The following ZNF385D variants were observed in gnomAD, a reference collection of about 807,000 sequenced individuals.
ZNF385D encodes the protein zinc finger protein 659.
In ZNF385D, 15 loss-of-function variants were observed where a neutral mutation model predicts 35.8. The observed-to-expected ratio is 0.42, with a 90% CI of 0.28 to 0.64. ZNF385D has a LOEUF of 0.64. ZNF385D is among the 30% of genes least tolerant of loss of function. ZNF385D has a pLI of 0.23. For synonymous variants in ZNF385D, 212 were observed against 186.8 expected (o/e 1.13, Z -1.10); for missense variants, 474 against 494.6 (o/e 0.96, Z 0.39).
At chr3:21,444,142 C>T (rs1462018066) in intron 4 of ZNF385D, among the ~76,000 whole-genome samples, 1 of 144,932 alleles carries the variant, frequency 6.9e-6, no homozygotes, top group East Asian at 2.0e-4. Flanking sequence ...TACAGTTGCA[C>T]AATCTCGGCC....
At chr3:21,467,030 T>C (rs933483577) in intron 4 of ZNF385D, among the ~76,000 whole-genome samples, 14 of 152,196 alleles carry the variant, frequency 9.2e-5, no homozygotes, top group Non-Finnish European at 1.6e-4. Context: ...GATCAGGATT[T>C]CTCAACTCCC....
intron 3 of ZNF385D, among the ~76,000 whole-genome samples, chr3:21,926,382 T>G (rs183939685): frequency 2.0e-5 from 3 of 152,116 alleles, no homozygotes; most frequent in African/African-American, 7.2e-5. Context: ...GAACATGCAG[T>G]GTTTGGTTTT....
chr3:21,453,566 C>A (rs1313997935), intron 4 of ZNF385D, among the ~76,000 whole-genome samples: 1 of 151,870 alleles, frequency 6.6e-6, no homozygotes, highest in African/African-American at 2.4e-5. Flanking sequence ...TTTTAATAGA[C>A]ATTTCTTGAA....
chr3:22,123,111 T>G (rs951033590), intron 3 of ZNF385D, among the ~76,000 whole-genome samples: 8 of 151,708 alleles, frequency 5.3e-5, no homozygotes, highest in African/African-American at 1.9e-4. Context: ...GGATGATGAG[T>G]TGATAGATTG....
intron 3 of ZNF385D, among the ~76,000 whole-genome samples, chr3:21,824,312 G>A (rs1694459247): frequency 6.6e-6 from 1 of 152,104 alleles, no homozygotes; most frequent in Admixed American, 6.5e-5. Flanking sequence ...TAGTAATGGT[G>A]CTTTTTATAA....
intron 3 of ZNF385D, among the ~76,000 whole-genome samples, chr3:21,516,654 A>G (rs1430529004): frequency 6.6e-6 from 1 of 152,156 alleles, no homozygotes; most frequent in Admixed American, 6.6e-5. Flanking sequence ...ATGGTATTCA[A>G]GCCTGAAGTC....
intron 1 of ZNF385D, among the ~76,000 whole-genome samples, chr3:21,689,829 G>C (rs1194100933): frequency 1.3e-5 from 2 of 150,924 alleles, no homozygotes; most frequent in South Asian, 2.1e-4. Flanking sequence ...GAGGATCACT[G>C]CCCTAAAATA....
chr3:22,180,932 A>ATTTTTT (rs1695224232), intron 2 of ZNF385D, among the ~76,000 whole-genome samples: 1 of 57,532 alleles, frequency 1.7e-5, no homozygotes, highest in East Asian at 2.7e-4. Flanking sequence ...TTTTTTTTTA[A>ATTTTTT]GAGACAGCTT....
rs142765368 is a variant in ZNF385D at position 21,843,455 on chromosome 3, C to G, written c.326-178427G>C. Among the ~76,000 whole-genome samples, 385 of 152,030 alleles carry G rather than the reference C, an allele frequency of 2.5e-3. 2 individuals carry two copies. Among genetic ancestry groups the G allele is most frequent in the Middle Eastern group, 6.8e-3 (2 of 294 alleles). On this transcript the variant is annotated intron_variant, in intron 3 of 5. Coordinates refer to the ZNF385D transcript ENST00000494108. ...GTTGTCCACTTTAGAAAAGTGAGCT[C>G]AGGAGATACAAAGTCATATTTATCA...
rs1700522646 is a variant in ZNF385D at position 21,413,638 on chromosome 3, T to C, written c.*7576A>G. ...AACCCTGGTTATATTTTTTAAGCCA[T>C]AAGAATATAAGAGGAGAAAAATAGC... On this transcript the variant is annotated 3_prime_UTR_variant, in exon 8 of 8. Coordinates refer to ENST00000281523, the MANE Select transcript of ZNF385D (RefSeq NM_024697.3). 1 of 152,090 alleles carries C rather than the reference T, an allele frequency of 6.6e-6. No homozygotes were observed. The highest frequency in any genetic ancestry group is 2.4e-5 in the African/African-American group (1 of 41,420). The allele number at this position is 152,090 out of a possible 1,614,324, so 9.4% of individuals were successfully genotyped here.
chr3:21,799,003 A>C (rs938512593), intron 3 of ZNF385D, among the ~76,000 whole-genome samples: 1 of 152,196 alleles, frequency 6.6e-6, no homozygotes, highest in African/African-American at 2.4e-5. Context: ...TCTGCTTTAC[A>C]GGTCTATGGA....
At chr3:21,997,891 G>T (rs1576117547) in intron 3 of ZNF385D, among the ~76,000 whole-genome samples, 2 of 151,354 alleles carry the variant, frequency 1.3e-5, no homozygotes, top group Admixed American at 1.3e-4. Flanking sequence ...GTGTGTGTGT[G>T]TGTGTGTGTG....
At chr3:22,015,636 A>T (rs1247176740) in intron 3 of ZNF385D, among the ~76,000 whole-genome samples, 1 of 152,232 alleles carries the variant, frequency 6.6e-6, no homozygotes, top group South Asian at 2.1e-4. Flanking sequence ...CACAAACATC[A>T]TCATTTCTTG....
intron 4 of ZNF385D, among the ~76,000 whole-genome samples, chr3:21,489,963 A>G (rs77908540): frequency 0.025 from 3,787 of 152,230 alleles, 150 homozygotes; most frequent in African/African-American, 0.084. Context: ...CATCCTTTAC[A>G]TAAGTTCCTA....
intron 2 of ZNF385D, among the ~76,000 whole-genome samples, chr3:22,335,523 A>G (rs1396881800): frequency 6.6e-6 from 1 of 152,154 alleles, no homozygotes; most frequent in Non-Finnish European, 1.5e-5. Context: ...TTTTAACAAA[A>G]GCCTAAATCC....
At chr3:21,691,023 G>T (rs956053346) in intron 1 of ZNF385D, among the ~76,000 whole-genome samples, 2 of 152,030 alleles carry the variant, frequency 1.3e-5, no homozygotes, top group African/African-American at 4.8e-5. Flanking sequence ...CCTGAATGTT[G>T]TCCAGTCTCT....
intron 1 of ZNF385D, among the ~76,000 whole-genome samples, chr3:21,681,316 A>AAAAAAAAAAAAAAAAAAAAAAAAAAAAAC (rs1334410224): frequency 7.1e-5 from 10 of 141,782 alleles, no homozygotes; most frequent in Non-Finnish European, 1.4e-4. Flanking sequence ...AAAAAAAAAA[A>AAAAAAAAAAAAAAAAAAAAAAAAAAAAAC]AAAAAAAACC....
At chr3:22,094,206 A>G (rs1399404420) in intron 3 of ZNF385D, among the ~76,000 whole-genome samples, 1 of 148,938 alleles carries the variant, frequency 6.7e-6, no homozygotes, top group Non-Finnish European at 1.5e-5. Context: ...TTGGTTGTTC[A>G]TATTGCATTG....
At chr3:21,847,032 T>C (rs906123511) in intron 3 of ZNF385D, among the ~76,000 whole-genome samples, 2 of 152,070 alleles carry the variant, frequency 1.3e-5, no homozygotes, top group Admixed American at 1.3e-4. Flanking sequence ...CAGGTACTTT[T>C]GTGTTACAGG....
Sources: allele counts gnomAD v4.1 joint callset (sites outside exome capture counted in the v4.1 genomes callset), GRCh38; gene constraint gnomAD v4.1.1; transcripts MANE v1.5; gene names NCBI Gene and HGNC (gene_info 2026-07-23, HGNC 2026-07-21).